The following POMT2 variants were observed in gnomAD, a reference collection of about 807,000 sequenced individuals.
POMT2 encodes the protein protein O-mannosyltransferase 2.
POMT2 carries 75 observed loss-of-function variants against 100.0 expected under a neutral mutation model. The observed-to-expected ratio is 0.75, with a 90% CI of 0.62 to 0.91. The LOEUF is 0.91. POMT2 is among the 40% of genes least tolerant of loss of function. The pLI is 0.00. For synonymous variants in POMT2, 378 were observed against 374.1 expected, an observed-to-expected ratio of 1.01 and a Z score of -0.12; for missense variants, 940 against 955.1, an observed-to-expected ratio of 0.98 and a Z score of 0.21.
At chr14:77,296,431 C>G (rs987769339) in intron 8 of POMT2, 158 bp from the exon 9 acceptor site, 1 of 630,910 alleles carries the variant, frequency 1.6e-6, no homozygotes, top group Non-Finnish European at 2.9e-6. Flanking sequence ...CCCATGGAGC[C>G]GACTCAAGAC....
At chr14:77,317,110 G>A (rs1351635225) in intron 1 of POMT2, among the ~76,000 whole-genome samples, 5 of 152,092 alleles carry the variant, frequency 3.3e-5, no homozygotes, top group Non-Finnish European at 7.4e-5. Flanking sequence ...ACAACGTAAG[G>A]GACTACATGT....
chr14:77,279,978 G>A (rs1260657227), intron 17 of POMT2, 43 bp downstream of exon 17: 1 of 1,614,146 alleles, frequency 6.2e-7, no homozygotes, highest in Non-Finnish European at 8.5e-7. Context: ...CTCTCCACGG[G>A]CAAGTGCTCC....
In POMT2 at chr14:77,285,564, G is replaced by T; in HGVS notation, c.1401C>A (p.Ile467=). ...AGCGAATTCGACTTCTCAGCACTTTGATCCGGTTTCCAAATTTCCTGTTTA... is the reference window on the plus strand; with the variant it reads ...AGCGAATTCGACTTCTCAGCACTTTTATCCGGTTTCCAAATTTCCTGTTTA... ...EVVNRKFGNR[I]KVLRSRIRFI... is the part of the protein sequence containing the mutation. The change falls in exon 13 of 21, where the codon ATC becomes ATA. Residue 467 remains isoleucine (I), a synonymous_variant. Coordinates refer to ENST00000261534, the MANE Select transcript of POMT2 (RefSeq NM_013382.7). 1 of 1,614,020 alleles carries T rather than the reference G, an allele frequency of 6.2e-7. No individual in the cohort carries two copies. Among genetic ancestry groups the T allele is most frequent in the Non-Finnish European group, 8.5e-7 (1 of 1,179,932 alleles).
At position 77,320,564 on chromosome 14, in the gene POMT2, G is replaced by C. The variant is rs755650000; in HGVS notation, c.118C>G (p.Arg40Gly). The change falls in exon 1 of 21, where the codon CGA becomes GGA. Residue 40 changes from arginine to glycine, a missense_variant. By Grantham distance (125) the Arg-to-Gly change is moderately radical. Coordinates refer to ENST00000261534, the MANE Select transcript of POMT2 (RefSeq NM_013382.7). Reference sequence around the variant, plus strand: ...CCCCAAGCAGGCCGTTTGGGGCTTCGCGCCACAGCCTCAGCGGCCACGTCC... The same window carrying C: ...CCCCAAGCAGGCCGTTTGGGGCTTCCCGCCACAGCCTCAGCGGCCACGTCC... ...GRDVAAEAVA[R>G]SPKRPAWGSR... is the part of the protein sequence containing the mutation. 6 of 1,570,890 alleles carry C rather than the reference G, an allele frequency of 3.8e-6. No individual in the cohort carries two copies. The East Asian group carries it at 1.2e-4, about 30-fold the overall frequency.
intron 2 of POMT2, among the ~76,000 whole-genome samples, chr14:77,308,545 G>A (rs529636011): frequency 5.0e-4 from 76 of 151,690 alleles, no homozygotes; most frequent in Non-Finnish European, 8.5e-4. Context: ...TAGTAGAGAC[G>A]GGGTTTCACC....
chr14:77,316,495 G>GT (rs1267435808), intron 1 of POMT2, among the ~76,000 whole-genome samples: 14 of 145,932 alleles, frequency 9.6e-5, no homozygotes, highest in African/African-American at 2.8e-4. Context: ...GAGCCCAGGA[G>GT]TTTGAGGATG....
At chr14:77,286,933 T>C (rs771127966) in intron 11 of POMT2, 111 bp from the exon 12 acceptor site, 2 of 1,558,794 alleles carry the variant, frequency 1.3e-6, no homozygotes, top group Non-Finnish European at 1.7e-6. Context: ...AAAATTAGAA[T>C]CTGAACTATT....
rs1474905955 is a variant in POMT2 at position 77,320,460 on chromosome 14, G to C, written c.222C>G (p.His74Gln). ...AGATGTGCGGCGGCTCGTCCAAGCG[G>C]TGGAAGCGGGTGGCGAAGGACAGCA... Reference protein sequence around the residue: ...VTLLSFATRFHRLDEPPHICW... With the variant: ...VTLLSFATRFQRLDEPPHICW... Residue 74 changes from histidine to glutamine, a missense_variant, in exon 1 of 21, where the codon CAC (histidine) becomes CAG (glutamine). Transcript: ENST00000261534. 1 of 1,545,832 alleles carries C rather than the reference G, an allele frequency of 6.5e-7. No homozygotes were observed. Among genetic ancestry groups the C allele is most frequent in the Non-Finnish European group, 8.7e-7 (1 of 1,147,020 alleles).
rs1291542991 is a variant in POMT2, at chr14:77,285,770, G to C, written c.1333-138C>G. 4.8e-6 allele frequency: 5 copies of C among 1,047,512 alleles called. No individual in the cohort carries two copies. In the African/African-American group the frequency reaches 6.3e-5, roughly 13 times the overall value. 64.9% of individuals were successfully genotyped at this position (1,047,512 alleles called of 1,614,324 possible). A position where few individuals can be genotyped will look rare whatever the true frequency, so the allele number is the denominator to read the frequency against. On this transcript the variant is annotated intron_variant, in intron 12 of 20. Coordinates refer to ENST00000261534, the MANE Select transcript of POMT2 (RefSeq NM_013382.7). ...AAATTAGGCTCAATGATAGAGATGG[G>C]CAAGGTTACAAGAAGGCCAAAGAAA...
chr14:77,310,523 A>C (rs983905799), intron 2 of POMT2, among the ~76,000 whole-genome samples: 2 of 152,170 alleles, frequency 1.3e-5, no homozygotes, highest in African/African-American at 4.8e-5. Context: ...GCTCAGAGCC[A>C]ATTTTGAAAT....
At position 77,301,148 on chromosome 14, in the gene POMT2, A is replaced by G. The variant is rs760828168; in HGVS notation, c.758T>C (p.Val253Ala). 1.2e-6 allele frequency: 2 copies of G among 1,614,090 alleles called. No individual in the cohort carries two copies. Among genetic ancestry groups the G allele is most frequent in the Non-Finnish European group, 1.7e-6 (2 of 1,180,048 alleles). ...KFVGLFIILQ[V>A]GLNTIADLWY... The stretch of plus-strand genomic sequence containing the variant: ...AAGGTCTGCAATGGTGTTCAGCCCC[A>G]CTTGAAGGATGATAAAGAGGCCAAC... Residue 253 changes from valine (V) to alanine (A), a missense_variant, in exon 6 of 21, where the codon GTG becomes GCG. Val to Ala is a moderately conservative substitution (Grantham distance 64). Transcript: ENST00000261534.
intron 7 of POMT2, 126 bp downstream of exon 7, chr14:77,299,329 G>A (rs1379767485): frequency 1.2e-6 from 1 of 842,958 alleles, no homozygotes; most frequent in East Asian, 2.5e-5. Flanking sequence ...AAAGAAACAG[G>A]AAAAAGCCCC....
At chr14:77,293,082 G>GA (rs932698354) in intron 9 of POMT2, among the ~76,000 whole-genome samples, 7 of 150,684 alleles carry the variant, frequency 4.6e-5, no homozygotes, top group South Asian at 2.1e-4. Flanking sequence ...TGTTCCTCAG[G>GA]AAAAAAAAAT....
chr14:77,280,289 C>T (rs1007303821), intron 16 of POMT2, 103 bp downstream of exon 16: 90 of 1,577,188 alleles, frequency 5.7e-5, no homozygotes, highest in Non-Finnish European at 6.6e-5. Flanking sequence ...CCCAGGAGGC[C>T]CCTCGCCCTG....
At chr14:77,282,774 G>A (rs1346345220) in intron 15 of POMT2, among the ~76,000 whole-genome samples, 1 of 152,220 alleles carries the variant, frequency 6.6e-6, no homozygotes, top group African/African-American at 2.4e-5. Flanking sequence ...TCAACTATAT[G>A]TACTGAGTAC....
At chr14:77,280,954 C>T (rs1330251638) in intron 15 of POMT2, among the ~76,000 whole-genome samples, 2 of 152,012 alleles carry the variant, frequency 1.3e-5, no homozygotes, top group Non-Finnish European at 2.9e-5. Flanking sequence ...ATTAGCTGAG[C>T]GTAGCGGTGG....
At chr14:77,279,250 G>A in intron 18 of POMT2, 2 of 380,454 alleles carry the variant, frequency 5.3e-6, no homozygotes, top group South Asian at 4.2e-5. Flanking sequence ...GATGGAGTGA[G>A]GAGGTGTCTG....
chr14:77,296,124 C>G, intron 9 of POMT2, 40 bp downstream of exon 9: 1 of 1,454,692 alleles, frequency 6.9e-7, no homozygotes, highest in Non-Finnish European at 9.5e-7. Context: ...TCATGGCGAA[C>G]AGCATTGCTG....
intron 6 of POMT2, 84 bp downstream of exon 6, chr14:77,301,006 A>C: frequency 4.3e-6 from 7 of 1,609,720 alleles, no homozygotes; most frequent in Non-Finnish European, 5.9e-6. Flanking sequence ...TGCCACCTGC[A>C]GTAGAGACAG....
Sources: gnomAD v4.1 joint callset for allele counts (sites outside exome capture counted in the v4.1 genomes callset) on GRCh38, gnomAD v4.1.1 for gene constraint, MANE v1.5 for transcripts, NCBI Gene and HGNC (gene_info 2026-07-23, HGNC 2026-07-21) for gene names.